The following STXBP5 variants were observed in gnomAD, a reference collection of about 807,000 sequenced individuals.
The protein encoded by STXBP5 is syntaxin-binding protein 5.
In STXBP5, 50 loss-of-function variants were observed where a neutral mutation model predicts 152.4. That is an observed-to-expected ratio of 0.33 (90% confidence interval 0.26 to 0.42). The LOEUF (loss-of-function observed/expected upper bound fraction) is 0.42, where lower values mean the gene tolerates loss of function less well. Ranked by LOEUF, STXBP5 falls within the 10% of genes least tolerant of loss-of-function variation. The pLI, the probability that STXBP5 is intolerant of heterozygous loss-of-function variation, is 1.00. For synonymous variants in STXBP5, 492 were observed against 494.7 expected (o/e 0.99, Z 0.07); for missense variants, 1,167 against 1,388.6 (o/e 0.84, Z 2.54).
At chr6:147,295,199 A>G (rs890884870) in intron 9 of STXBP5, among the ~76,000 whole-genome samples, 2 of 152,218 alleles carry the variant, frequency 1.3e-5, no homozygotes, top group Admixed American at 6.5e-5. Context: ...AGTAGACTAT[A>G]TAAGAAGGTG....
rs546863103 is a variant in STXBP5, at chr6:147,282,665, G to A, written c.838+4461G>A. Among the ~76,000 whole-genome samples, 5 of 152,198 alleles carry A rather than the reference G, an allele frequency of 3.3e-5. No homozygotes were observed. The South Asian group carries it at 1.0e-3, about 32-fold the overall frequency. On this transcript the variant is annotated intron_variant, in intron 8 of 27. Transcript: ENST00000321680. ...CTCTTTTGGCTTGTTTCTCTCCCAT[G>A]GCAGATAGGGTTTCATTACTTAGGA...
chr6:147,274,492 A>G (rs940689874), intron 7 of STXBP5, among the ~76,000 whole-genome samples: 3 of 152,220 alleles, frequency 2.0e-5, no homozygotes, highest in South Asian at 4.1e-4. Flanking sequence ...ATTTAATTAT[A>G]TAGTATTATG....
At position 147,348,911 on chromosome 6, in the gene STXBP5, A is replaced by G. The variant is rs565488932; in HGVS notation, c.2255-4412A>G. ...TTTCTTTATATAGTTGATCTCAACT[A>G]TGTAAAGAAAAGTGGACTTTTAAAA... is the stretch of plus-strand genomic sequence containing the variant. On this transcript the variant is annotated intron_variant, in intron 21 of 27. Coordinates refer to ENST00000321680, the MANE Select transcript of STXBP5 (RefSeq NM_001127715.4). Among the ~76,000 whole-genome samples, 6 of 152,306 alleles carry G rather than the reference A, an allele frequency of 3.9e-5. No individual in the cohort carries two copies. In the East Asian group the frequency reaches 7.7e-4, roughly 20 times the overall value.
intron 8 of STXBP5, among the ~76,000 whole-genome samples, chr6:147,286,757 CAT>C (rs1237802877): frequency 5.3e-5 from 8 of 152,020 alleles, no homozygotes; most frequent in Non-Finnish European, 1.0e-4. Context: ...TTTTCATACA[CAT>C]GTATCATTAT....
chr6:147,281,384 G>C (rs1170811466), intron 8 of STXBP5, among the ~76,000 whole-genome samples: 1 of 152,150 alleles, frequency 6.6e-6, no homozygotes, highest in Non-Finnish European at 1.5e-5. Context: ...ATACATTAAA[G>C]TACAAAACTA....
chr6:147,327,729 A>G (rs1372030512), intron 18 of STXBP5, among the ~76,000 whole-genome samples: 1 of 152,212 alleles, frequency 6.6e-6, no homozygotes, highest in Non-Finnish European at 1.5e-5. Context: ...GGCGTGAGGC[A>G]CCACACCCAG....
chr6:147,301,219 T>C (rs778975712), intron 9 of STXBP5, among the ~76,000 whole-genome samples: 2 of 152,120 alleles, frequency 1.3e-5, no homozygotes, highest in Non-Finnish European at 2.9e-5. Context: ...AGTGCAGCCA[T>C]TATTGAAAAT....
At chr6:147,233,101 T>A (rs1778085606) in intron 2 of STXBP5, among the ~76,000 whole-genome samples, 1 of 151,638 alleles carries the variant, frequency 6.6e-6, no homozygotes, top group South Asian at 2.1e-4. Flanking sequence ...ATCAGGTAGA[T>A]CACCTTAATA....
intron 7 of STXBP5, among the ~76,000 whole-genome samples, chr6:147,274,815 T>G (rs991387129): frequency 2.0e-5 from 3 of 152,064 alleles, no homozygotes; most frequent in African/African-American, 7.2e-5. Flanking sequence ...TTGAATAGAA[T>G]GTTAAAATAA....
chr6:147,351,330 A>T (rs1201073098), intron 21 of STXBP5, among the ~76,000 whole-genome samples: 1 of 152,216 alleles, frequency 6.6e-6, no homozygotes, highest in Non-Finnish European at 1.5e-5. Context: ...ATGTCTAGAG[A>T]GGCGGCATCC....
At chr6:147,252,190 C>G (rs996280478) in intron 4 of STXBP5, among the ~76,000 whole-genome samples, 1 of 152,080 alleles carries the variant, frequency 6.6e-6, no homozygotes, top group Non-Finnish European at 1.5e-5. Context: ...GATCACAACT[C>G]CTTGCCAGCA....
Position 147,262,272 on chromosome 6 carries a change from T to C in STXBP5, c.567-18T>C, listed in dbSNP as rs754459520. The C allele has an allele frequency of 1.1e-5, 17 of 1,514,804 alleles. No individual in the cohort carries two copies. Among genetic ancestry groups the C allele is most frequent in the South Asian group, 2.6e-5 (2 of 76,124 alleles). 93.8% of individuals were successfully genotyped at this position (1,514,804 alleles called of 1,614,324 possible). Reference sequence around the variant, plus strand: ...TTCTTAACTGAAGAGAAAATCTTACTAACTTTTTCTTTTTTAGGTCATCTA... The same window carrying C: ...TTCTTAACTGAAGAGAAAATCTTACCAACTTTTTCTTTTTTAGGTCATCTA... On this transcript the variant is annotated intron_variant, in intron 5 of 27. Transcript: ENST00000321680.
intron 2 of STXBP5, among the ~76,000 whole-genome samples, chr6:147,227,736 G>A (rs1189428169): frequency 6.6e-6 from 1 of 151,990 alleles, no homozygotes; most frequent in Non-Finnish European, 1.5e-5. Flanking sequence ...CTGTAGTCAC[G>A]TGTAATTAAT....
intron 8 of STXBP5, 85 bp downstream of exon 8, chr6:147,278,289 T>A: frequency 7.5e-7 from 1 of 1,329,244 alleles, no homozygotes; most frequent in Admixed American, 2.5e-5. Context: ...ATTTGTTTGT[T>A]TGATTTTTAG....
At chr6:147,287,042 GAT>G (rs1554293379) in intron 8 of STXBP5, among the ~76,000 whole-genome samples, 1 of 150,100 alleles carries the variant, frequency 6.7e-6, no homozygotes, top group Admixed American at 6.7e-5. Context: ...GTACATACTA[GAT>G]ATATATATTT....
rs755537811 is a variant in STXBP5 at position 147,260,692 on chromosome 6, A to G, written c.509A>G (p.Asn170Ser). The G allele has an allele frequency of 5.1e-5, 83 of 1,613,592 alleles. No individual in the cohort carries two copies. The highest frequency in any genetic ancestry group is 1.2e-4 in the Admixed American group (7 of 59,970). Residue 170 changes from asparagine (N) to serine (S), a missense_variant, in exon 5 of 28, where the codon AAT becomes AGT. Asn to Ser is a conservative substitution (Grantham distance 46). Coordinates refer to ENST00000321680, the MANE Select transcript of STXBP5 (RefSeq NM_001127715.4). ...GAACGAGGTAATATACATATTGTCA[A>G]TGTGGAGTCCTTCACACTCTCAGGC... ...GTERGNIHIV[N>S]VESFTLSGYV...
chr6:147,252,605 G>A (rs536319488), intron 4 of STXBP5, among the ~76,000 whole-genome samples: 21 of 152,244 alleles, frequency 1.4e-4, no homozygotes, highest in African/African-American at 4.6e-4. Context: ...TTTGATTGGT[G>A]TACCTAAAAG....
intron 2 of STXBP5, among the ~76,000 whole-genome samples, chr6:147,223,940 C>G (rs1335501049): frequency 6.6e-6 from 1 of 152,224 alleles, no homozygotes; most frequent in African/African-American, 2.4e-5. Context: ...AGGAAATACA[C>G]TGCCTTTTTG....
At chr6:147,331,713 C>A (rs1452223947) in intron 18 of STXBP5, among the ~76,000 whole-genome samples, 1 of 147,260 alleles carries the variant, frequency 6.8e-6, no homozygotes, top group Non-Finnish European at 1.5e-5. Context: ...AATTACAGTT[C>A]TATGTTTATG....
Sources: allele counts gnomAD v4.1 joint callset (sites outside exome capture counted in the v4.1 genomes callset), GRCh38; gene constraint gnomAD v4.1.1; transcripts MANE v1.5; gene names NCBI Gene and HGNC (gene_info 2026-07-23, HGNC 2026-07-21).